Variants in GRIK2 observed in about 807,000 individuals in gnomAD.
The protein encoded by GRIK2 is glutamate receptor ionotropic, kainate 2.
A neutral mutation model predicts 100.3 loss-of-function variants in GRIK2; 32 were observed. That is an observed-to-expected ratio of 0.32 (90% CI 0.24 to 0.43). GRIK2 has a LOEUF of 0.43. GRIK2 is among the 20% of genes least tolerant of loss of function. The pLI, the probability that GRIK2 is intolerant of heterozygous loss-of-function variation, is 1.00. For missense variants in GRIK2, 843 were observed against 1,114.9 expected (o/e 0.76, Z 3.47); for synonymous variants, 417 against 389.4 (o/e 1.07, Z -0.83).
rs150156844 is a variant in GRIK2, at chr6:101,958,253, T to TTCTGTGTGTGTGTGTGTG, written c.2085+29622_2085+29623insCTGTGTGTGTGTGTGTGT. Among the ~76,000 whole-genome samples the TTCTGTGTGTGTGTGTGTG allele has an allele frequency of 1.3e-3, 184 of 139,528 alleles. 1 individual carries two copies. The highest frequency in any genetic ancestry group is 2.1e-3 in the Admixed American group (28 of 13,500). 91.5% of individuals were successfully genotyped at this position (139,528 alleles called of 152,430 possible). On this transcript the variant is annotated intron_variant, in intron 14 of 16. Coordinates refer to ENST00000369134, the MANE Select transcript of GRIK2 (RefSeq NM_021956.5). The stretch of plus-strand genomic sequence containing the variant: ...CTTGTTTAAATGTATTGCTACATAT[T>TTCTGTGTGTGTGTGTGTG]TGTGTGTGTGTGTGTGTGTGTGTGT...
chr6:101,403,032 G>A (rs1302797534), intron 2 of GRIK2, among the ~76,000 whole-genome samples: 1 of 152,300 alleles, frequency 6.6e-6, no homozygotes, highest in South Asian at 2.1e-4. Context: ...CAGCCTGTAC[G>A]GAAGTGCGAG....
chr6:101,605,693 A>G (rs1779410453), intron 2 of GRIK2, among the ~76,000 whole-genome samples: 2 of 152,016 alleles, frequency 1.3e-5, no homozygotes, highest in African/African-American at 4.8e-5. Flanking sequence ...AAACAAACAA[A>G]CAAAAACACT....
chr6:101,402,869 T>C (rs1177824393), intron 2 of GRIK2, among the ~76,000 whole-genome samples: 1 of 152,192 alleles, frequency 6.6e-6, no homozygotes, highest in East Asian at 1.9e-4. Flanking sequence ...GTCCCGGCCT[T>C]GCCCGCCCCA....
At position 101,532,392 on chromosome 6, in the gene GRIK2, T is replaced by C. The variant is rs111764384; in HGVS notation, c.116-89557T>C. ...GTTGTTTCCATTATACATTATTGCA[T>C]GTACATGCCTGTGGAACAGAAAATT... On this transcript the variant is annotated intron_variant, in intron 2 of 16. Coordinates refer to ENST00000369134, the MANE Select transcript of GRIK2 (RefSeq NM_021956.5). 2.6e-3 allele frequency among the ~76,000 whole-genome samples: 390 copies of C among 152,126 alleles called. 1 individual carries two copies. Among genetic ancestry groups the C allele is most frequent in the African/African-American group, 9.0e-3 (373 of 41,540 alleles).
chr6:101,804,781 A>G lies in GRIK2; in HGVS notation c.1203+2343A>G, dbSNP rs73761432. Among the ~76,000 whole-genome samples the G allele has an allele frequency of 4.7e-3, 718 of 152,122 alleles. 5 individuals carry two copies. Among genetic ancestry groups the G allele is most frequent in the African/African-American group, 0.016 (664 of 41,534 alleles). ...AAAAAGTTCACATCACATGTTTTCA[A>G]TATCCTTGAAAATTTGTACATGAAC... On this transcript the variant is annotated intron_variant, in intron 9 of 16. Coordinates refer to ENST00000369134, the MANE Select transcript of GRIK2 (RefSeq NM_021956.5).
chr6:102,040,694 G>A (rs953382757), intron 15 of GRIK2, among the ~76,000 whole-genome samples: 2 of 151,548 alleles, frequency 1.3e-5, no homozygotes, highest in Admixed American at 1.3e-4. Context: ...GAAGAATGTC[G>A]TTCCCTGTTT....
chr6:101,871,273 G>A (rs895563085), intron 11 of GRIK2, among the ~76,000 whole-genome samples: 5 of 140,652 alleles, frequency 3.6e-5, no homozygotes, highest in Non-Finnish European at 6.2e-5. Flanking sequence ...AAAGGACAGT[G>A]AGAATAAACC....
At chr6:101,396,739 G>C (rs1008133891) in intron 1 of GRIK2, among the ~76,000 whole-genome samples, 5 of 152,154 alleles carry the variant, frequency 3.3e-5, no homozygotes, top group Admixed American at 6.5e-5. Flanking sequence ...ATGAATGCCA[G>C]GAGCGCTGTC....
At chr6:102,023,535 GT>G (rs1769539460) in intron 14 of GRIK2, among the ~76,000 whole-genome samples, 1 of 151,374 alleles carries the variant, frequency 6.6e-6, no homozygotes, top group Non-Finnish European at 1.5e-5. Flanking sequence ...TCCATAAATG[GT>G]TTTATTTTTC....
Position 101,889,681 on chromosome 6 carries a change from T to C in GRIK2, c.1566T>C (p.Val522=). Reference sequence around the variant, plus strand: ...TTGCTCCACTGGCTATTACCTATGTTCGAGAGAAGGTCATCGACTTTTCCA... The same window carrying C: ...TTGCTCCACTGGCTATTACCTATGTCCGAGAGAAGGTCATCGACTTTTCCA... ...LAVAPLAITY[V]REKVIDFSKP... The change falls in exon 12 of 17, where the codon GTT becomes GTC. Residue 522 remains valine, a synonymous_variant. Transcript: ENST00000369134. 1 of 1,612,730 alleles carries C rather than the reference T, an allele frequency of 6.2e-7. No individual in the cohort carries two copies. Among genetic ancestry groups the C allele is most frequent in the Non-Finnish European group, 8.5e-7 (1 of 1,179,166 alleles).
At chr6:101,589,968 G>C (rs1368449505) in intron 2 of GRIK2, among the ~76,000 whole-genome samples, 1 of 152,038 alleles carries the variant, frequency 6.6e-6, no homozygotes, top group African/African-American at 2.4e-5. Flanking sequence ...TTTAATATTT[G>C]ATGTACTACA....
intron 7 of GRIK2, among the ~76,000 whole-genome samples, chr6:101,702,281 G>A (rs986644682): frequency 2.7e-4 from 41 of 151,864 alleles, no homozygotes; most frequent in Admixed American, 5.3e-4. Context: ...CATTATGTTT[G>A]GAGCTTATGC....
intron 2 of GRIK2, among the ~76,000 whole-genome samples, chr6:101,584,851 A>T (rs1460253391): frequency 2.0e-5 from 3 of 151,888 alleles, no homozygotes. Flanking sequence ...AAAAATGCAA[A>T]AATGCAAGAT....
chr6:101,794,034 C>T (rs1033296835), intron 7 of GRIK2, among the ~76,000 whole-genome samples: 11 of 152,182 alleles, frequency 7.2e-5, no homozygotes, highest in African/African-American at 2.4e-4. Flanking sequence ...ATATAATCTC[C>T]TGGTGCGCCA....
intron 2 of GRIK2, among the ~76,000 whole-genome samples, chr6:101,460,497 G>A (rs993399774): frequency 7.2e-5 from 11 of 152,174 alleles, no homozygotes; most frequent in Admixed American, 1.3e-4. Flanking sequence ...GTGGCAACAT[G>A]CATTCTTATC....
chr6:101,775,385 T>C (rs1337645289), intron 7 of GRIK2, among the ~76,000 whole-genome samples: 1 of 152,124 alleles, frequency 6.6e-6, no homozygotes, highest in Non-Finnish European at 1.5e-5. Flanking sequence ...CACTCAGTGC[T>C]GCCTACTTTA....
At chr6:101,939,624 T>C (rs1380909600) in intron 14 of GRIK2, among the ~76,000 whole-genome samples, 1 of 152,180 alleles carries the variant, frequency 6.6e-6, no homozygotes, top group East Asian at 1.9e-4. Context: ...TCTGTTTCCA[T>C]GTACACATTA....
intron 15 of GRIK2, among the ~76,000 whole-genome samples, chr6:102,040,483 A>G (rs188627491): frequency 5.9e-4 from 90 of 151,694 alleles, no homozygotes; most frequent in African/African-American, 2.0e-3. Context: ...TTTATGGTAG[A>G]AGTACACTAC....
At chr6:101,782,952 G>A (rs552253211) in intron 7 of GRIK2, among the ~76,000 whole-genome samples, 1 of 151,466 alleles carries the variant, frequency 6.6e-6, no homozygotes, top group African/African-American at 2.4e-5. Flanking sequence ...CGCCTCCCGG[G>A]TTCACACCAT....
Sources: gnomAD v4.1 joint callset for allele counts (sites outside exome capture counted in the v4.1 genomes callset) on GRCh38, gnomAD v4.1.1 for gene constraint, MANE v1.5 for transcripts, NCBI Gene and HGNC (gene_info 2026-07-23, HGNC 2026-07-21) for gene names.